ASAH2: variants seen among roughly 807,000 people sequenced by gnomAD.
ASAH2 encodes neutral ceramidase.
A neutral mutation model predicts 82.9 loss-of-function variants in ASAH2; 58 were observed. The observed-to-expected ratio is 0.70, with a 90% confidence interval of 0.57 to 0.87. The LOEUF (loss-of-function observed/expected upper bound fraction) is 0.87, where lower values mean the gene tolerates loss of function less well. Among genes scored for constraint, ASAH2 ranks in the 40% least tolerant of loss-of-function variants. ASAH2 has a pLI of 0.00. For synonymous variants in ASAH2, 276 were observed against 289.7 expected (o/e 0.95, Z 0.48); for missense variants, 779 against 834.0 (o/e 0.93, Z 0.81).
intron 14 of ASAH2, among the ~76,000 whole-genome samples, chr10:50,204,180 G>C (rs1442051536): frequency 1.3e-5 from 2 of 151,780 alleles, no homozygotes; most frequent in African/African-American, 4.8e-5. Flanking sequence ...GGAGGGTTTT[G>C]AGCAAAGACA....
Position 50,205,831 on chromosome 10 carries a change from T to A in ASAH2, c.1530+151A>T, listed in dbSNP as rs1589327021. ...CCATAACCTTCATTCCTTAGAGTCA[T>A]GGAACCCATTTTTTAATATTAAAAA... On this transcript the variant is annotated intron_variant, in intron 13 of 20. Coordinates refer to ENST00000682911, the MANE Select transcript of ASAH2 (RefSeq NM_019893.4). 15 of 698,292 alleles carry A rather than the reference T, an allele frequency of 2.1e-5. No homozygotes were observed. In the East Asian group the frequency reaches 3.9e-4, roughly 18 times the overall value. 43.3% of individuals were successfully genotyped at this position (698,292 alleles called of 1,614,324 possible).
At chr10:50,242,316 G>T (rs1386811975) in intron 4 of ASAH2, among the ~76,000 whole-genome samples, 1 of 152,190 alleles carries the variant, frequency 6.6e-6, no homozygotes, top group Non-Finnish European at 1.5e-5. Context: ...CAATGTTAAA[G>T]TGATGCTTTT....
intron 8 of ASAH2, among the ~76,000 whole-genome samples, chr10:50,215,708 T>TA (rs1487106897): frequency 1.3e-5 from 2 of 152,174 alleles, no homozygotes; most frequent in African/African-American, 4.8e-5. Context: ...TGTACCCTTG[T>TA]AGTATAGTTT....
At chr10:50,211,231 G>T (rs996147373) in intron 10 of ASAH2, 97 bp from the exon 11 acceptor site, 1 of 907,878 alleles carries the variant, frequency 1.1e-6, no homozygotes, top group Non-Finnish European at 1.8e-6. Context: ...ATTTGGAAAT[G>T]CATCTCTCAG....
At chr10:50,223,655 A>T (rs1261161744) in intron 7 of ASAH2, among the ~76,000 whole-genome samples, 1 of 152,192 alleles carries the variant, frequency 6.6e-6, no homozygotes, top group Non-Finnish European at 1.5e-5. Flanking sequence ...ATGCATGCTC[A>T]TCTGGAACCT....
At position 50,245,328 on chromosome 10, in the gene ASAH2, G is replaced by C. The variant is rs137937721; in HGVS notation, c.254C>G (p.Ser85Cys). ...ATQSSTATQTSPVPLTPESPL... is the reference protein window; with the variant it reads ...ATQSSTATQTCPVPLTPESPL... ...AGACTCTGGGGTTAAAGGCACTGGA[G>C]AAGTTTGAGTGGCTGTGGAGCTCTG... Residue 85 changes from serine to cysteine, a missense_variant, in exon 3 of 21, where the codon TCT becomes TGT. Coordinates refer to ENST00000682911, the MANE Select transcript of ASAH2 (RefSeq NM_019893.4). 6.2e-7 allele frequency: 1 copy of C among 1,614,142 alleles called. No homozygotes were observed.
chr10:50,214,485 G>A (rs1455941007), intron 9 of ASAH2, among the ~76,000 whole-genome samples: 1 of 152,102 alleles, frequency 6.6e-6, no homozygotes, highest in Admixed American at 6.6e-5. Context: ...GTTTGGGGAA[G>A]GGTAGAGTTA....
intron 18 of ASAH2, among the ~76,000 whole-genome samples, chr10:50,195,069 G>A (rs1356080385): frequency 0.017 from 2,592 of 148,788 alleles, 71 homozygotes; most frequent in African/African-American, 0.06. Flanking sequence ...AACAGTTTCT[G>A]CACAACCAAA....
At chr10:50,228,754 G>T (rs1416936985) in intron 7 of ASAH2, among the ~76,000 whole-genome samples, 3 of 151,866 alleles carry the variant, frequency 2.0e-5, no homozygotes, top group Non-Finnish European at 4.4e-5. Flanking sequence ...GAGAGGAGAG[G>T]AGAAGAGAAA....
At chr10:50,233,493 A>G (rs1490120903) in intron 6 of ASAH2, among the ~76,000 whole-genome samples, 1 of 152,150 alleles carries the variant, frequency 6.6e-6, no homozygotes, top group African/African-American at 2.4e-5. Context: ...GCTGAAATAC[A>G]CATATTTTTA....
Position 50,211,023 on chromosome 10 carries a change from C to A in ASAH2, c.1332+7G>T. 2 of 1,611,986 alleles carry A rather than the reference C, an allele frequency of 1.2e-6. No individual in the cohort carries two copies. Among genetic ancestry groups the A allele is most frequent in the Non-Finnish European group, 1.7e-6 (2 of 1,178,138 alleles). On this transcript the variant is annotated splice_region_variant and intron_variant, in intron 11 of 20. Coordinates refer to ENST00000682911, the MANE Select transcript of ASAH2 (RefSeq NM_019893.4). Reference sequence around the variant, plus strand: ...GGGCATAACCAGTGTGTCTCAGCAGCACTTACTGCATGTGTGGAATTGAGC... The same window carrying A: ...GGGCATAACCAGTGTGTCTCAGCAGAACTTACTGCATGTGTGGAATTGAGC...
At chr10:50,207,271 G>A (rs1845325254) in intron 12 of ASAH2, among the ~76,000 whole-genome samples, 1 of 151,594 alleles carries the variant, frequency 6.6e-6, no homozygotes. Flanking sequence ...TGAAGATATT[G>A]GAAAAGGAAA....
intron 12 of ASAH2, among the ~76,000 whole-genome samples, chr10:50,207,660 G>C (rs1589328528): frequency 1.3e-5 from 2 of 150,262 alleles, no homozygotes; most frequent in Non-Finnish European, 3.0e-5. Flanking sequence ...AAAAAGTAAA[G>C]AGATTGATTC....
intron 7 of ASAH2, among the ~76,000 whole-genome samples, chr10:50,231,631 A>T (rs1846024287): frequency 6.6e-6 from 1 of 152,168 alleles, no homozygotes; most frequent in Non-Finnish European, 1.5e-5. Context: ...CATGCCTGAC[A>T]TTTAGAAAGT....
Position 50,243,220 on chromosome 10 carries a change from T to G in ASAH2, c.492A>C (p.Ser164=), listed in dbSNP as rs3739979. The G allele has an allele frequency of 0.13, 202,872 of 1,613,780 alleles. 20,710 individuals carry two copies. Among genetic ancestry groups the G allele is most frequent in the African/African-American group, 0.45 (33,808 of 74,934 alleles). The change falls in exon 4 of 21, where the codon TCA becomes TCC. Residue 164 remains serine (S), a synonymous_variant. Transcript: ENST00000682911. ...CACTTACCTCCAGCCTGAGCCTTTG[T>G]GATACCATGCCTATGTCGATGCTGA... The part of the protein sequence containing the change: ...VFVSIDIGMV[S]QRLRLEVLNR...
intron 2 of ASAH2, among the ~76,000 whole-genome samples, chr10:50,246,267 A>G (rs1054809385): frequency 1.4e-4 from 21 of 152,100 alleles, no homozygotes; most frequent in Admixed American, 1.3e-3. Flanking sequence ...ATTTCACCCC[A>G]ATGTTCTCAG....
Position 50,243,211 on chromosome 10 carries a change from G to A in ASAH2, c.501C>T (p.Leu167=). The A allele has an allele frequency of 6.2e-7, 1 of 1,613,950 alleles. No individual in the cohort carries two copies. Residue 167 remains leucine, a synonymous_variant, in exon 4 of 21, where the codon CTC becomes CTT. Coordinates refer to ENST00000682911, the MANE Select transcript of ASAH2 (RefSeq NM_019893.4). ...SIDIGMVSQR[L]RLEVLNRLQS... ...CTCTCAAATCACTTACCTCCAGCCT[G>A]AGCCTTTGTGATACCATGCCTATGT... is the stretch of plus-strand genomic sequence containing the variant.
At chr10:50,227,340 T>A (rs1167562316) in intron 7 of ASAH2, among the ~76,000 whole-genome samples, 140,641 of 152,192 alleles carry the variant, frequency 0.92, 66,003 homozygotes, top group East Asian at 1. Flanking sequence ...CAGATACTTG[T>A]TTTTGCAGTG....
intron 18 of ASAH2, among the ~76,000 whole-genome samples, chr10:50,194,335 C>G (rs1234572710): frequency 6.6e-6 from 1 of 151,544 alleles, no homozygotes; most frequent in Non-Finnish European, 1.5e-5. Flanking sequence ...ATTTATTTAA[C>G]ATCTGAAAAC....
Sources: gnomAD v4.1 joint callset for allele counts (sites outside exome capture counted in the v4.1 genomes callset) on GRCh38, gnomAD v4.1.1 for gene constraint, MANE v1.5 for transcripts, NCBI Gene and HGNC (gene_info 2026-07-23, HGNC 2026-07-21) for gene names.